Variants in GAS2 observed in about 807,000 individuals in gnomAD.
The protein encoded by GAS2 is growth arrest-specific protein 2.
A neutral mutation model predicts 37.5 loss-of-function variants in GAS2; 20 were observed. The ratio of observed to expected loss-of-function variants is 0.53; its 90% CI spans 0.37 to 0.77. GAS2 has a LOEUF of 0.77. Among genes scored for constraint, GAS2 ranks in the 30% least tolerant of loss-of-function variants. GAS2 has a pLI of 0.00. For synonymous variants in GAS2, 144 were observed against 132.2 expected (o/e 1.09, Z -0.61); for missense variants, 336 against 373.4 (o/e 0.90, Z 0.82).
Position 22,776,714 on chromosome 11 carries a change from C to A in GAS2, c.723+20761C>A, listed in dbSNP as rs553708899. On this transcript the variant is annotated intron_variant, in intron 7 of 7. Coordinates refer to ENST00000454584, the MANE Select transcript of GAS2 (RefSeq NM_001143830.3). The stretch of plus-strand genomic sequence containing the variant: ...GTACCTGGACTCAACAATTGTTGCC[C>A]TGTAGTTGAAGAGAGTTTCAGAAAA... Among the ~76,000 whole-genome samples, 81 of 152,250 alleles carry A rather than the reference C, an allele frequency of 5.3e-4. 1 individual carries two copies. The South Asian group carries it at 0.015, about 29-fold the overall frequency.
intron 1 of GAS2, among the ~76,000 whole-genome samples, chr11:22,647,448 T>C (rs1164188361): frequency 6.6e-6 from 1 of 152,196 alleles, no homozygotes; most frequent in East Asian, 1.9e-4. Context: ...AGTAATGGGA[T>C]GGCTGGATCA....
intron 1 of GAS2, among the ~76,000 whole-genome samples, chr11:22,645,518 T>TACAC (rs1463895404): frequency 2.0e-5 from 3 of 151,206 alleles, no homozygotes; most frequent in African/African-American, 7.3e-5. Context: ...TATATATATA[T>TACAC]ATACACACAC....
intron 2 of GAS2, among the ~76,000 whole-genome samples, chr11:22,683,166 A>G (rs1238696980): frequency 1.5e-5 from 1 of 68,866 alleles, no homozygotes; most frequent in Non-Finnish European, 2.7e-5. Flanking sequence ...CCAAAAATGG[A>G]AAAAAAAAGT....
At chr11:22,764,428 C>T (rs571820109) in intron 7 of GAS2, among the ~76,000 whole-genome samples, 75 of 152,044 alleles carry the variant, frequency 4.9e-4, no homozygotes, top group African/African-American at 1.8e-3. Context: ...AGCGTGGTGG[C>T]AGGCGACTGT....
chr11:22,754,614 T>C (rs749498143), intron 6 of GAS2, among the ~76,000 whole-genome samples: 10 of 152,124 alleles, frequency 6.6e-5, no homozygotes, highest in Non-Finnish European at 1.2e-4. Flanking sequence ...TTTCCTTTTT[T>C]TTTGGTTATT....
chr11:22,791,723 T>G (rs752946585), intron 7 of GAS2, among the ~76,000 whole-genome samples: 1 of 151,990 alleles, frequency 6.6e-6, no homozygotes, highest in Non-Finnish European at 1.5e-5. Flanking sequence ...AGAATCAGAA[T>G]GAGTTACACT....
chr11:22,716,303 A>C (rs955680765), intron 3 of GAS2, among the ~76,000 whole-genome samples: 6 of 152,154 alleles, frequency 3.9e-5, no homozygotes, highest in Admixed American at 6.6e-5. Flanking sequence ...CTTATATTCA[A>C]CATAGTACTG....
chr11:22,641,312 A>ATTTATATATC (rs770353963), intron 1 of GAS2, among the ~76,000 whole-genome samples: 36,326 of 64,264 alleles, frequency 0.57, 7,102 homozygotes, highest in African/African-American at 0.63. Context: ...CTTTATATAT[A>ATTTATATATC]TTTATATATC....
intron 1 of GAS2, among the ~76,000 whole-genome samples, chr11:22,655,900 C>A (rs544090174): frequency 9.2e-5 from 14 of 152,234 alleles, no homozygotes; most frequent in Non-Finnish European, 1.6e-4. Context: ...TTAAATAGTT[C>A]TGAGGAAGAA....
intron 1 of GAS2, among the ~76,000 whole-genome samples, chr11:22,667,781 T>TG: frequency 6.6e-6 from 1 of 152,314 alleles, no homozygotes; most frequent in Non-Finnish European, 1.5e-5. Flanking sequence ...CAATTGAGGT[T>TG]GGGGGAGGGT....
chr11:22,783,844 G>A (rs571343238), intron 7 of GAS2, among the ~76,000 whole-genome samples: 2 of 152,270 alleles, frequency 1.3e-5, no homozygotes, highest in Non-Finnish European at 2.9e-5. Context: ...AAGGAGTCCA[G>A]TTTCGTTCTT....
chr11:22,640,450 C>A (rs1858895559), intron 1 of GAS2, among the ~76,000 whole-genome samples: 3 of 151,988 alleles, frequency 2.0e-5, no homozygotes, highest in African/African-American at 4.8e-5. Context: ...AATTTCATTT[C>A]TTATAAACTT....
intron 1 of GAS2, among the ~76,000 whole-genome samples, chr11:22,629,176 G>A (rs1858711135): frequency 6.6e-6 from 1 of 152,026 alleles, no homozygotes; most frequent in African/African-American, 2.4e-5. Flanking sequence ...TTTTCTTTGG[G>A]GTAGATACTC....
intron 7 of GAS2, among the ~76,000 whole-genome samples, chr11:22,781,201 G>T (rs1855540808): frequency 6.6e-6 from 1 of 152,178 alleles, no homozygotes; most frequent in Non-Finnish European, 1.5e-5. Flanking sequence ...ACATCCTGTG[G>T]TCCACACTCT....
rs188547593 is a variant in GAS2, at chr11:22,799,439, A to T, written c.724-12359A>T. Among the ~76,000 whole-genome samples, 10 of 152,152 alleles carry T rather than the reference A, an allele frequency of 6.6e-5. No individual in the cohort carries two copies. In the East Asian group the frequency reaches 1.7e-3, roughly 26 times the overall value. ...GAATAATGTACTTAATTCACTATGG[A>T]TTCTGTCATGATATTTGTTTCTTCT... On this transcript the variant is annotated intron_variant, in intron 7 of 7. Coordinates refer to ENST00000454584, the MANE Select transcript of GAS2 (RefSeq NM_001143830.3).
At chr11:22,696,257 A>G (rs2133995003) in intron 3 of GAS2, among the ~76,000 whole-genome samples, 1 of 151,776 alleles carries the variant, frequency 6.6e-6, no homozygotes, top group East Asian at 1.9e-4. Flanking sequence ...CCATGTCGCT[A>G]CAAAGGACAT....
intron 2 of GAS2, among the ~76,000 whole-genome samples, chr11:22,684,543 T>C (rs903198464): frequency 6.6e-6 from 1 of 152,124 alleles, no homozygotes; most frequent in Admixed American, 6.5e-5. Context: ...CTTCTGAAAC[T>C]TGGATTAATA....
At chr11:22,737,443 C>T (rs1432096462) in intron 4 of GAS2, among the ~76,000 whole-genome samples, 1 of 152,074 alleles carries the variant, frequency 6.6e-6, no homozygotes, top group Non-Finnish European at 1.5e-5. Context: ...GTGAGATTTC[C>T]TGAGGGTTTC....
At chr11:22,771,241 G>T (rs886408967) in intron 7 of GAS2, among the ~76,000 whole-genome samples, 1 of 152,054 alleles carries the variant, frequency 6.6e-6, no homozygotes, top group Admixed American at 6.6e-5. Flanking sequence ...TGTAATTCTT[G>T]TGCTCCAGGA....
Sources: allele counts gnomAD v4.1 joint callset (sites outside exome capture counted in the v4.1 genomes callset), GRCh38; gene constraint gnomAD v4.1.1; transcripts MANE v1.5; gene names NCBI Gene and HGNC (gene_info 2026-07-23, HGNC 2026-07-21).